Variants in CD47 observed in about 807,000 individuals in gnomAD.
The protein encoded by CD47 is CD47 molecule, also known as leukocyte surface antigen CD47.
In CD47, 11 loss-of-function variants were observed where a neutral mutation model predicts 44.6. That is an observed-to-expected ratio of 0.25 (90% CI 0.16 to 0.41). The LOEUF (loss-of-function observed/expected upper bound fraction) is 0.41, where lower values mean the gene tolerates loss of function less well. CD47 is among the 10% of genes least tolerant of loss of function. The pLI is 1.00. For missense variants in CD47, 306 were observed against 386.7 expected (o/e 0.79, Z 1.75); for synonymous variants, 140 against 136.3 (o/e 1.03, Z -0.19).
At chr3:108,055,429 G>C in intron 7 of CD47, 1 of 685,676 alleles carries the variant, frequency 1.5e-6, no homozygotes, top group Non-Finnish European at 2.2e-6. Flanking sequence ...ATGTTACATA[G>C]ATTCAGATTT....
At chr3:108,061,700 T>C (rs976254122) in intron 3 of CD47, among the ~76,000 whole-genome samples, 1 of 152,142 alleles carries the variant, frequency 6.6e-6, no homozygotes, top group South Asian at 2.1e-4. Context: ...TTGGTTAATA[T>C]TGAAGTTGAT....
chr3:108,073,525 A>G (rs2079249413), intron 2 of CD47, among the ~76,000 whole-genome samples: 1 of 152,156 alleles, frequency 6.6e-6, no homozygotes, highest in African/African-American at 2.4e-5. Flanking sequence ...AGGAGCCTAC[A>G]TTGTGAAGAC....
chr3:108,075,826 G>C (rs1372226897), intron 2 of CD47, among the ~76,000 whole-genome samples: 1 of 152,204 alleles, frequency 6.6e-6, no homozygotes, highest in Non-Finnish European at 1.5e-5. Context: ...TCTCTTAAAA[G>C]GGTCTGGGTT....
At chr3:108,060,599 C>A in intron 4 of CD47, 146 bp downstream of exon 4, 1 of 602,330 alleles carries the variant, frequency 1.7e-6, no homozygotes, top group South Asian at 1.9e-5. Context: ...TTATGGCCTC[C>A]AGCATGGAAA....
chr3:108,060,596 C>T, intron 4 of CD47, 149 bp downstream of exon 4: 2 of 599,200 alleles, frequency 3.3e-6, no homozygotes, highest in Non-Finnish European at 6.0e-6. Context: ...GACTTATGGC[C>T]TCCAGCATGG....
intron 8 of CD47, chr3:108,050,876 C>A: frequency 2.4e-6 from 1 of 422,212 alleles, no homozygotes; most frequent in Non-Finnish European, 4.6e-6. Flanking sequence ...TCAAGAAATT[C>A]TAACTTCTAA....
At chr3:108,070,658 T>G (rs999402919) in intron 3 of CD47, among the ~76,000 whole-genome samples, 2 of 152,100 alleles carry the variant, frequency 1.3e-5, no homozygotes, top group African/African-American at 4.8e-5. Context: ...GGTGAACACG[T>G]GTACACAGAG....
chr3:108,047,852 G>A (rs979263852), intron 10 of CD47, among the ~76,000 whole-genome samples: 3 of 152,224 alleles, frequency 2.0e-5, no homozygotes, highest in South Asian at 2.1e-4. Flanking sequence ...GAAGATCATC[G>A]TAGATTTCAT....
intron 1 of CD47, among the ~76,000 whole-genome samples, chr3:108,080,618 A>G (rs989305): frequency 6.6e-5 from 10 of 151,670 alleles, no homozygotes; most frequent in African/African-American, 2.4e-4. Context: ...AAATTCAGCA[A>G]CTATGTTGGA....
At chr3:108,076,759 C>A (rs550760028) in intron 2 of CD47, among the ~76,000 whole-genome samples, 3 of 152,268 alleles carry the variant, frequency 2.0e-5, no homozygotes, top group African/African-American at 7.2e-5. Context: ...GCAATAATGT[C>A]TTATTCATCA....
chr3:108,058,223 TA>T (rs897282232), intron 6 of CD47, 113 bp downstream of exon 6: 27,725 of 445,978 alleles, frequency 0.062, no homozygotes, highest in South Asian at 0.079. Context: ...AAAACTGCAC[TA>T]AAAAAAAAAA....
chr3:108,072,894 A>G lies in CD47; in HGVS notation c.401-1712T>C, dbSNP rs562611239. Reference sequence around the variant, plus strand: ...ACAATTATGATGTGAGAAATTATTAACCCCTCCTTATAGTTGTAGAAACTG... The same window carrying G: ...ACAATTATGATGTGAGAAATTATTAGCCCCTCCTTATAGTTGTAGAAACTG... On this transcript the variant is annotated intron_variant, in intron 2 of 10. Transcript: ENST00000361309. Among the ~76,000 whole-genome samples, 11 of 152,140 alleles carry G rather than the reference A, an allele frequency of 7.2e-5. No individual in the cohort carries two copies. The East Asian group carries it at 2.1e-3, about 29-fold the overall frequency.
chr3:108,074,576 A>C (rs1009712453), intron 2 of CD47, among the ~76,000 whole-genome samples: 1 of 152,022 alleles, frequency 6.6e-6, no homozygotes, highest in African/African-American at 2.4e-5. Flanking sequence ...AGCCTCCCAA[A>C]GTGCTGGTAT....
At position 108,057,531 on chromosome 3, in the gene CD47, A is replaced by T; in HGVS notation, c.823T>A (p.Leu275Met). 6.3e-7 allele frequency: 1 copy of T among 1,587,982 alleles called. No individual in the cohort carries two copies. Among genetic ancestry groups the T allele is most frequent in the Non-Finnish European group, 8.6e-7 (1 of 1,156,542 alleles). ...AATTGTGCTAGAGCTAAGATACTCA[A>T]ACCTGAAATCAGAAGAGGGCCATGC... Reference protein sequence around the residue: ...PMHGPLLISGLSILALAQLLG... With the variant: ...PMHGPLLISGMSILALAQLLG... Residue 275 changes from leucine (L) to methionine (M), a missense_variant, in exon 7 of 11, where the codon TTG (leucine) becomes ATG (methionine). By Grantham distance (15) the Leu-to-Met change is conservative (BLOSUM62 2). Coordinates refer to ENST00000361309, the MANE Select transcript of CD47 (RefSeq NM_001777.4).
rs534591960 is a variant in CD47 at position 108,076,310 on chromosome 3, C to T, written c.400+3681G>A. On this transcript the variant is annotated intron_variant, in intron 2 of 10. Transcript: ENST00000361309. ...GTCCTGTTGATAATAATGGAATTGG[C>T]AACACTGCGGAACTTGAACTGACCT... is the stretch of plus-strand genomic sequence containing the variant. 7.9e-5 allele frequency among the ~76,000 whole-genome samples: 12 copies of T among 152,260 alleles called. No homozygotes were observed. The East Asian group carries it at 1.3e-3, about 17-fold the overall frequency.
intron 8 of CD47, 138 bp from the exon 9 acceptor site, chr3:108,050,740 A>C: frequency 2.0e-6 from 1 of 488,308 alleles, no homozygotes; most frequent in Non-Finnish European, 3.7e-6. Context: ...AAAAAACAAA[A>C]CAACGAAATA....
chr3:108,063,573 G>C (rs1207949448), intron 3 of CD47, among the ~76,000 whole-genome samples: 2 of 152,110 alleles, frequency 1.3e-5, no homozygotes, highest in Non-Finnish European at 2.9e-5. Context: ...ATCTCTTATT[G>C]ATCTTTTCTT....
chr3:108,051,995 A>G (rs942504332), intron 7 of CD47, 25 bp from the exon 8 acceptor site: 25 of 1,064,218 alleles, frequency 2.3e-5, no homozygotes, highest in Non-Finnish European at 3.3e-5. Context: ...AAATAAGAAT[A>G]TAAATTTAAT....
chr3:108,055,579 A>T, intron 7 of CD47: 1 of 1,298,420 alleles, frequency 7.7e-7, no homozygotes, highest in Non-Finnish European at 1.0e-6. Flanking sequence ...GGCATCAGAC[A>T]AGTTGATTTA....
Sources: gnomAD v4.1 joint callset for allele counts (sites outside exome capture counted in the v4.1 genomes callset) on GRCh38, gnomAD v4.1.1 for gene constraint, MANE v1.5 for transcripts, NCBI Gene and HGNC (gene_info 2026-07-23, HGNC 2026-07-21) for gene names.